Variants in KCNMA1 observed in about 807,000 individuals in gnomAD.
The protein encoded by KCNMA1 is potassium calcium-activated channel subfamily M alpha 1.
KCNMA1 carries 29 observed loss-of-function variants against 140.0 expected under a neutral mutation model. The observed-to-expected ratio is 0.21, with a 90% CI of 0.15 to 0.28. The LOEUF (loss-of-function observed/expected upper bound fraction) is 0.28. KCNMA1 is among the 10% of genes least tolerant of loss of function. The pLI, the probability that KCNMA1 is intolerant of heterozygous loss-of-function variation, is 1.00. For missense variants in KCNMA1, 880 were observed against 1,602.2 expected (o/e 0.55, Z 7.70); for synonymous variants, 612 against 611.9 (o/e 1.00, Z 0.00).
intron 1 of KCNMA1, among the ~76,000 whole-genome samples, chr10:77,602,508 T>A (rs1201318218): frequency 6.6e-6 from 1 of 152,214 alleles, no homozygotes; most frequent in African/African-American, 2.4e-5. Context: ...ACTCTCTGTA[T>A]ATACTAAAAA....
intron 1 of KCNMA1, 87 bp from the exon 2 acceptor site, chr10:77,404,110 G>T: frequency 7.5e-7 from 1 of 1,338,140 alleles, no homozygotes; most frequent in East Asian, 2.3e-5. Context: ...GAGCCAGAAG[G>T]GGTCCCCAGC....
At chr10:77,614,086 G>A (rs1448949130) in intron 1 of KCNMA1, among the ~76,000 whole-genome samples, 2 of 152,186 alleles carry the variant, frequency 1.3e-5, no homozygotes, top group African/African-American at 4.8e-5. Flanking sequence ...TCTACTTGGA[G>A]CCTGGGACCT....
chr10:77,449,982 C>T (rs1252898028), intron 1 of KCNMA1, among the ~76,000 whole-genome samples: 3 of 151,936 alleles, frequency 2.0e-5, no homozygotes, highest in Non-Finnish European at 2.9e-5. Context: ...ATGTGTCTCA[C>T]TCTGTCACCC....
chr10:77,387,971 T>A (rs1406841200), intron 2 of KCNMA1, among the ~76,000 whole-genome samples: 13 of 152,140 alleles, frequency 8.5e-5, no homozygotes, highest in Admixed American at 1.3e-4. Flanking sequence ...GAACCTTAAA[T>A]CTTTGGCCAA....
chr10:77,316,082 T>G (rs2080802778), intron 2 of KCNMA1, among the ~76,000 whole-genome samples: 1 of 152,224 alleles, frequency 6.6e-6, no homozygotes. Flanking sequence ...GAGCATTTAG[T>G]GTCTTGAATA....
rs1162475103 is a variant in KCNMA1 at position 77,110,281 on chromosome 10, T to A, written c.1023A>T (p.Glu341Asp). The A allele has an allele frequency of 6.2e-7, 1 of 1,613,852 alleles. No homozygotes were observed. Among genetic ancestry groups the A allele is most frequent in the East Asian group, 2.2e-5 (1 of 44,882 alleles). ...FQNNQALTYW[E>D]CVYLLMVTMS... ...TTGTGACCATGAGTAAATAGACACA[T>A]TCCCAGTAGGTGAGAGCCTGGTTGT... The change falls in exon 8 of 28, where the codon GAA (glutamate) becomes GAT (aspartate). Residue 341 changes from glutamate (E) to aspartate (D), a missense_variant. Glu to Asp is a conservative substitution (Grantham distance 45). Coordinates refer to ENST00000286628, the MANE Select transcript of KCNMA1 (RefSeq NM_001161352.2).
At chr10:76,927,938 T>G (rs1564961998) in intron 23 of KCNMA1, among the ~76,000 whole-genome samples, 1 of 152,178 alleles carries the variant, frequency 6.6e-6, no homozygotes, top group African/African-American at 2.4e-5. Context: ...CTCCCTGTCA[T>G]CTTTTTGCAT....
At chr10:77,558,647 A>T (rs950640897) in intron 1 of KCNMA1, among the ~76,000 whole-genome samples, 1 of 152,204 alleles carries the variant, frequency 6.6e-6, no homozygotes, top group Non-Finnish European at 1.5e-5. Flanking sequence ...CCCAGGATAG[A>T]TAACACAGAT....
intron 2 of KCNMA1, among the ~76,000 whole-genome samples, chr10:77,340,343 C>T (rs1398381810): frequency 6.6e-6 from 1 of 152,078 alleles, no homozygotes. Context: ...ACCATTTGAC[C>T]CAGCCATCCC....
intron 15 of KCNMA1, 45 bp downstream of exon 15, chr10:77,039,483 C>T (rs139122361): frequency 8.7e-7 from 1 of 1,148,540 alleles, no homozygotes; most frequent in African/African-American, 1.5e-5. Flanking sequence ...GGGGCACATT[C>T]AATATCCCTG....
chr10:77,452,272 G>T (rs17411944), intron 1 of KCNMA1, among the ~76,000 whole-genome samples: 1 of 152,184 alleles, frequency 6.6e-6, no homozygotes, highest in Non-Finnish European at 1.5e-5. Flanking sequence ...GACCCCAGAT[G>T]GGGGAGATGA....
chr10:77,144,894 T>C (rs1397403491), intron 5 of KCNMA1, among the ~76,000 whole-genome samples: 1 of 152,140 alleles, frequency 6.6e-6, no homozygotes, highest in African/African-American at 2.4e-5. Flanking sequence ...CATTTCCTCA[T>C]CTCCGAAATA....
intron 5 of KCNMA1, among the ~76,000 whole-genome samples, chr10:77,160,259 T>C (rs1235863742): frequency 2.0e-5 from 3 of 152,250 alleles, no homozygotes; most frequent in African/African-American, 7.2e-5. Flanking sequence ...CCAGTCCACT[T>C]CCTGGCTCCC....
At chr10:77,546,663 C>T (rs915921728) in intron 1 of KCNMA1, among the ~76,000 whole-genome samples, 4 of 152,238 alleles carry the variant, frequency 2.6e-5, no homozygotes, top group Non-Finnish European at 4.4e-5. Context: ...GAGGAAAGGA[C>T]AGACCGACTC....
chr10:77,139,342 AG>A (rs2098119149), intron 5 of KCNMA1, among the ~76,000 whole-genome samples: 1 of 152,184 alleles, frequency 6.6e-6, no homozygotes, highest in East Asian at 1.9e-4. Flanking sequence ...TCTGTGATGA[AG>A]GGAGAGGAAA....
chr10:77,086,522 G>A lies in KCNMA1; in HGVS notation c.1406C>T (p.Ser469Phe). The stretch of plus-strand genomic sequence containing the variant: ...TGCAAGATCATGTGGATTGAGGACG[G>A]AACCCTGATAAAATTCCACCTGAGT... ...HFTQVEFYQG[S>F]VLNPHDLARV... is the part of the protein sequence containing the mutation. The change falls in exon 11 of 28, where the codon TCC becomes TTC. Residue 469 changes from serine (S) to phenylalanine (F), a missense_variant. Physicochemically the swap from Ser to Phe is radical, Grantham distance 155 (BLOSUM62 -2). Around this residue, in one of 13 missense-constraint regions of KCNMA1, gnomAD observed 198 missense variants for 580.1 expected, o/e 0.34. Coordinates refer to ENST00000286628, the MANE Select transcript of KCNMA1 (RefSeq NM_001161352.2). 1.9e-6 allele frequency: 3 copies of A among 1,613,874 alleles called. No individual in the cohort carries two copies. Among genetic ancestry groups the A allele is most frequent in the Non-Finnish European group, 2.5e-6 (3 of 1,179,768 alleles).
chr10:77,480,726 C>A (rs575783609), intron 1 of KCNMA1, among the ~76,000 whole-genome samples: 1 of 152,054 alleles, frequency 6.6e-6, no homozygotes. Context: ...GCAGCTTCCC[C>A]CTCCCGGCAA....
intron 17 of KCNMA1, among the ~76,000 whole-genome samples, chr10:77,016,364 C>T (rs12254500): frequency 0.025 from 3,803 of 152,224 alleles, 179 homozygotes; most frequent in East Asian, 0.17. Flanking sequence ...ATGAGCCCCA[C>T]GAGAGTTGGG....
At chr10:76,909,361 C>T (rs917757909) in intron 25 of KCNMA1, among the ~76,000 whole-genome samples, 5 of 152,308 alleles carry the variant, frequency 3.3e-5, no homozygotes, top group Admixed American at 1.3e-4. Flanking sequence ...AATCATCCTC[C>T]CTACAACAGC....
Sources: gnomAD v4.1 joint callset for allele counts (sites outside exome capture counted in the v4.1 genomes callset) on GRCh38, gnomAD v4.1.1 for gene constraint, gnomAD v4.1.1 regional missense constraint, MANE v1.5 for transcripts, NCBI Gene and HGNC (gene_info 2026-07-23, HGNC 2026-07-21) for gene names.